The following RALA variants were observed in gnomAD, a reference collection of about 807,000 sequenced individuals.
RALA encodes the protein ras-related protein Ral-A.
Under a neutral mutation model 24.0 loss-of-function variants are expected in RALA, and 5 were observed. That is an observed-to-expected ratio of 0.21 (90% confidence interval 0.11 to 0.44). The LOEUF is 0.44. Ranked by LOEUF, RALA falls within the 20% of genes least tolerant of loss-of-function variation. The pLI is 0.99. For synonymous variants in RALA, 77 were observed against 83.8 expected (o/e 0.92, Z 0.44); for missense variants, 95 against 241.2 (o/e 0.39, Z 4.01).
At chr7:39,638,966 C>T (rs1318605406) in intron 1 of RALA, among the ~76,000 whole-genome samples, 2 of 152,196 alleles carry the variant, frequency 1.3e-5, no homozygotes, top group South Asian at 2.1e-4. Context: ...AGTGGCTGCA[C>T]ATTACTTTGC....
intron 1 of RALA, among the ~76,000 whole-genome samples, chr7:39,678,450 G>C (rs1018139298): frequency 5.3e-5 from 8 of 152,152 alleles, no homozygotes; most frequent in Non-Finnish European, 1.2e-4. Context: ...AAGAAGAAAG[G>C]AAATAAGTAG....
intron 2 of RALA, among the ~76,000 whole-genome samples, chr7:39,689,541 G>A (rs6952363): frequency 0.68 from 103,329 of 152,098 alleles, 36,126 homozygotes; most frequent in African/African-American, 0.85. Flanking sequence ...AAATAAGAAT[G>A]TATCAGATAA....
At chr7:39,632,357 G>T (rs760012630) in intron 1 of RALA, among the ~76,000 whole-genome samples, 3 of 152,106 alleles carry the variant, frequency 2.0e-5, no homozygotes, top group Non-Finnish European at 4.4e-5. Context: ...TCCAGAACAA[G>T]ATTAAATAGC....
At chr7:39,662,328 T>G (rs1456301932) in intron 1 of RALA, among the ~76,000 whole-genome samples, 1 of 152,210 alleles carries the variant, frequency 6.6e-6, no homozygotes, top group Non-Finnish European at 1.5e-5. Context: ...CGCAGATTTC[T>G]GCAGACGGCT....
chr7:39,664,607 C>T (rs1294502376), intron 1 of RALA, among the ~76,000 whole-genome samples: 2 of 151,948 alleles, frequency 1.3e-5, no homozygotes, highest in Non-Finnish European at 2.9e-5. Flanking sequence ...TGGAGGACCC[C>T]AATAGAGGAA....
intron 3 of RALA, 148 bp downstream of exon 3, chr7:39,690,738 T>C (rs1176250101): frequency 9.5e-6 from 6 of 630,866 alleles, no homozygotes; most frequent in Non-Finnish European, 1.6e-5. Context: ...AGTATATGAC[T>C]CTCTCTACTG....
intron 1 of RALA, among the ~76,000 whole-genome samples, chr7:39,674,042 T>TAAAAAAAAAAAAAAA (rs367907893): frequency 2.2e-5 from 2 of 90,698 alleles, no homozygotes; most frequent in African/African-American, 1.0e-4. Flanking sequence ...GCATGCACTG[T>TAAAAAAAAAAAAAAA]AAATAAATAA....
intron 1 of RALA, among the ~76,000 whole-genome samples, chr7:39,633,257 C>T (rs1341185688): frequency 2.0e-5 from 3 of 152,054 alleles, no homozygotes; most frequent in Admixed American, 6.6e-5. Flanking sequence ...AAGACATACC[C>T]GAGAATGGGT....
intron 1 of RALA, among the ~76,000 whole-genome samples, chr7:39,667,138 C>T (rs935591329): frequency 2.0e-5 from 3 of 152,150 alleles, no homozygotes; most frequent in Admixed American, 6.5e-5. Context: ...AACTGATTTA[C>T]TCTTGAAGTT....
chr7:39,701,879 G>A (rs1289061030), intron 4 of RALA, among the ~76,000 whole-genome samples: 3 of 152,186 alleles, frequency 2.0e-5, no homozygotes, highest in Non-Finnish European at 4.4e-5. Context: ...TCCTACTTGT[G>A]TACTCATTGG....
chr7:39,633,948 C>T (rs373080796), intron 1 of RALA, among the ~76,000 whole-genome samples: 27 of 152,094 alleles, frequency 1.8e-4, no homozygotes, highest in East Asian at 5.8e-4. Context: ...GTTCAAGTAG[C>T]GTATTTTCTG....
chr7:39,669,479 T>G (rs1792343256), intron 1 of RALA, among the ~76,000 whole-genome samples: 1 of 152,188 alleles, frequency 6.6e-6, no homozygotes, highest in Admixed American at 6.5e-5. Flanking sequence ...GATGTCTTCA[T>G]GTAAACCAGA....
At chr7:39,684,655 T>C (rs1022151666) in intron 1 of RALA, among the ~76,000 whole-genome samples, 1 of 150,130 alleles carries the variant, frequency 6.7e-6, no homozygotes, top group Non-Finnish European at 1.5e-5. Flanking sequence ...CCGGGCCACA[T>C]TGGAAGAAGA....
At chr7:39,665,481 C>T (rs1346186142) in intron 1 of RALA, among the ~76,000 whole-genome samples, 1 of 152,096 alleles carries the variant, frequency 6.6e-6, no homozygotes, top group African/African-American at 2.4e-5. Context: ...TTTTCGACTG[C>T]ACACAGTGGG....
At position 39,707,341 on chromosome 7, in the gene RALA, C is replaced by A. The variant is rs1192644143; in HGVS notation, c.*1096C>A. 2 of 152,168 alleles carry A rather than the reference C, an allele frequency of 1.3e-5. No homozygotes were observed. Among genetic ancestry groups the A allele is most frequent in the African/African-American group, 4.8e-5 (2 of 41,430 alleles). 9.4% of individuals were successfully genotyped at this position (152,168 alleles called of 1,614,324 possible). ...ATTCATGCTTGCCATCTGTTCATTT[C>A]TAAATTTATATTCATAAAGTTACAG... is the stretch of plus-strand genomic sequence containing the variant. On this transcript the variant is annotated 3_prime_UTR_variant, in exon 5 of 5. Coordinates refer to ENST00000005257, the MANE Select transcript of RALA (RefSeq NM_005402.4).
intron 1 of RALA, among the ~76,000 whole-genome samples, chr7:39,649,425 A>G (rs992115856): frequency 6.6e-6 from 1 of 152,240 alleles, no homozygotes; most frequent in African/African-American, 2.4e-5. Flanking sequence ...GATGGTGCCA[A>G]TAGGAGGTGA....
At chr7:39,674,112 C>A (rs12669963) in intron 1 of RALA, among the ~76,000 whole-genome samples, 47,238 of 151,682 alleles carry the variant, frequency 0.31, 8,162 homozygotes, top group Non-Finnish European at 0.4. Flanking sequence ...GGTGGTCTTA[C>A]TCTGTAGCCC....
intron 3 of RALA, among the ~76,000 whole-genome samples, chr7:39,695,114 C>A (rs1023655857): frequency 1.3e-5 from 2 of 151,628 alleles, no homozygotes; most frequent in African/African-American, 4.8e-5. Context: ...GCTGATTTGC[C>A]ATTCTAATAT....
At chr7:39,649,554 C>T (rs948500439) in intron 1 of RALA, among the ~76,000 whole-genome samples, 3 of 152,194 alleles carry the variant, frequency 2.0e-5, no homozygotes, top group South Asian at 2.1e-4. Context: ...ACACAGCATT[C>T]GTCCCCGCTG....
Sources: gnomAD v4.1 joint callset for allele counts (sites outside exome capture counted in the v4.1 genomes callset) on GRCh38, gnomAD v4.1.1 for gene constraint, MANE v1.5 for transcripts, NCBI Gene and HGNC (gene_info 2026-07-23, HGNC 2026-07-21) for gene names.